The following LONP1 variants were observed in gnomAD, a reference collection of about 807,000 sequenced individuals.
LONP1 encodes lon protease homolog, mitochondrial.
A neutral mutation model predicts 98.5 loss-of-function variants in LONP1; 31 were observed. The observed-to-expected ratio is 0.31, with a 90% CI of 0.24 to 0.42. LONP1 has a LOEUF of 0.42. Among genes scored for constraint, LONP1 ranks in the 20% least tolerant of loss-of-function variants. The pLI is 1.00. For synonymous variants in LONP1, 781 were observed against 594.7 expected, an observed-to-expected ratio of 1.31 and a Z score of -4.56; for missense variants, 1,336 against 1,350.6, an observed-to-expected ratio of 0.99 and a Z score of 0.17.
chr19:5,718,374 G>A (rs193079004), intron 1 of LONP1, among the ~76,000 whole-genome samples: 3 of 151,898 alleles, frequency 2.0e-5, no homozygotes, highest in African/African-American at 7.2e-5. Flanking sequence ...GCTACTCAGG[G>A]GGCTGAGGCA....
Position 5,707,049 on chromosome 19 carries a change from C to A in LONP1, c.1146+11G>T. 7 of 1,607,236 alleles carry A rather than the reference C, an allele frequency of 4.4e-6. No individual in the cohort carries two copies. Among genetic ancestry groups the A allele is most frequent in the Non-Finnish European group, 5.9e-6 (7 of 1,178,070 alleles). On this transcript the variant is annotated intron_variant, in intron 7 of 17. Coordinates refer to ENST00000360614, the MANE Select transcript of LONP1 (RefSeq NM_004793.4). ...CCCCCAAGAGTGGCTGCGCCTCAGC[C>A]GCGGGCTCACCTCCCGCCCCAGGCG...
chr19:5,718,902 G>C (rs2055372170), intron 1 of LONP1, among the ~76,000 whole-genome samples: 1 of 152,034 alleles, frequency 6.6e-6, no homozygotes, highest in Non-Finnish European at 1.5e-5. Flanking sequence ...AACTTGCTAC[G>C]TGGTAGGAGG....
At chr19:5,713,450 C>T (rs2055268605) in intron 2 of LONP1, among the ~76,000 whole-genome samples, 197 bp from the exon 3 acceptor site, 1 of 152,212 alleles carries the variant, frequency 6.6e-6, no homozygotes, top group African/African-American at 2.4e-5. Flanking sequence ...CCCCAGTGGT[C>T]ACAGGACCGG....
In LONP1 at chr19:5,693,535, G is replaced by A; in HGVS notation, c.2538+17C>T. On this transcript the variant is annotated intron_variant, in intron 16 of 17. Transcript: ENST00000360614. Reference sequence around the variant, plus strand: ...AGGGACTGGGCGGGAGCAGGTGGGAGCGGATGGCGCGGTCACCTCGGGCAC... The same window carrying A: ...AGGGACTGGGCGGGAGCAGGTGGGAACGGATGGCGCGGTCACCTCGGGCAC... The A allele has an allele frequency of 1.2e-6, 2 of 1,613,840 alleles. No homozygotes were observed. The highest frequency in any genetic ancestry group is 1.1e-5 in the South Asian group (1 of 91,076).
intron 8 of LONP1, among the ~76,000 whole-genome samples, chr19:5,702,174 C>T (rs1248471931): frequency 1.2e-3 from 168 of 143,346 alleles, no homozygotes; most frequent in Middle Eastern, 4.2e-3. Flanking sequence ...CCCCTCTGCC[C>T]GGCCAGCCGC....
At chr19:5,703,235 A>G (rs1212021614) in intron 8 of LONP1, among the ~76,000 whole-genome samples, 3 of 151,870 alleles carry the variant, frequency 2.0e-5, no homozygotes, top group South Asian at 2.1e-4. Context: ...CACCCAGTGC[A>G]GGAAGGAGGA....
chr19:5,700,627 G>A (rs895465546), intron 9 of LONP1, among the ~76,000 whole-genome samples, 162 bp downstream of exon 9: 26 of 152,180 alleles, frequency 1.7e-4, no homozygotes, highest in African/African-American at 5.8e-4. Flanking sequence ...GAGCCCTCGG[G>A]GGCAGGGCAG....
At chr19:5,708,542 C>A (rs960389049) in intron 4 of LONP1, 139 bp from the exon 5 acceptor site, 5 of 670,810 alleles carry the variant, frequency 7.5e-6, no homozygotes, top group African/African-American at 1.8e-5. Context: ...TGGCCACGGA[C>A]GGCCTGGGAG....
intron 17 of LONP1, 62 bp downstream of exon 17, chr19:5,693,236 G>A (rs928763751): frequency 1.9e-6 from 3 of 1,548,502 alleles, no homozygotes; most frequent in Admixed American, 1.8e-5. Context: ...GGCGGGGACT[G>A]GGCCTGTCCC....
chr19:5,708,434 C>T lies in LONP1; in HGVS notation c.871-31G>A, dbSNP rs184778290. On this transcript the variant is annotated intron_variant, in intron 4 of 17. Coordinates refer to ENST00000360614, the MANE Select transcript of LONP1 (RefSeq NM_004793.4). ...AAGTATGGGGCAGGGTCGCTGGGGC[C>T]CAGCAGTGCTCCAGCAGGGGGTGGG... 8.2e-6 allele frequency: 13 copies of T among 1,579,214 alleles called. 1 individual carries two copies. Among genetic ancestry groups the T allele is most frequent in the Admixed American group, 3.3e-5 (2 of 59,732 alleles).
intron 8 of LONP1, 64 bp downstream of exon 8, chr19:5,705,708 T>C (rs1395130750): frequency 1.3e-6 from 2 of 1,503,262 alleles, no homozygotes; most frequent in Non-Finnish European, 1.8e-6. Context: ...TCCCCTGGCC[T>C]GCCTAAGATG....
intron 10 of LONP1, among the ~76,000 whole-genome samples, chr19:5,697,748 T>G (rs941302113): frequency 6.8e-6 from 1 of 146,566 alleles, no homozygotes; most frequent in Non-Finnish European, 1.5e-5. Flanking sequence ...GCAGCCAGTC[T>G]CCTGTCCTTG....
rs1449314851 is a variant in LONP1, at chr19:5,695,970, C to T, written c.2013+84G>A. 6.6e-5 allele frequency: 82 copies of T among 1,245,880 alleles called. No individual in the cohort carries two copies. In the South Asian group the frequency reaches 7.0e-4, roughly 11 times the overall value. The allele number at this position is 1,245,880 out of a possible 1,614,324, so 77.2% of individuals were successfully genotyped here. A position where few individuals can be genotyped will look rare whatever the true frequency, so the allele number is the denominator to read the frequency against. ...CACCTGTCTCTCCCGGGCCCAGGAG[C>T]TCCCAGAGGCACGGCCTCTGCAGGC... On this transcript the variant is annotated intron_variant, in intron 13 of 17. Transcript: ENST00000360614.
At chr19:5,710,144 T>G (rs2055214645) in intron 4 of LONP1, among the ~76,000 whole-genome samples, 1 of 150,270 alleles carries the variant, frequency 6.7e-6, no homozygotes. Context: ...AATGCAATAG[T>G]GCAATCTCGG....
At chr19:5,708,812 G>C in intron 4 of LONP1, 1 of 164,216 alleles carries the variant, frequency 6.1e-6, no homozygotes, top group South Asian at 1.5e-4. Flanking sequence ...AGGAGATCGA[G>C]ACCCTCCTGG....
At chr19:5,718,694 C>A (rs2145639246) in intron 1 of LONP1, among the ~76,000 whole-genome samples, 1 of 151,216 alleles carries the variant, frequency 6.6e-6, no homozygotes, top group South Asian at 2.1e-4. Flanking sequence ...CTTTCCACAT[C>A]AGTAGTTTTT....
At chr19:5,695,355 C>A (rs1446305068) in intron 13 of LONP1, among the ~76,000 whole-genome samples, 1 of 152,020 alleles carries the variant, frequency 6.6e-6, no homozygotes, top group African/African-American at 2.4e-5. Flanking sequence ...ATCTGTGAGA[C>A]GGACAGAGCC....
chr19:5,718,526 T>C (rs2145638792), intron 1 of LONP1, among the ~76,000 whole-genome samples: 2 of 151,376 alleles, frequency 1.3e-5, no homozygotes, highest in Middle Eastern at 6.9e-3. Context: ...AAGCTCCCTC[T>C]GTCCCCTCTC....
At position 5,711,887 on chromosome 19, in the gene LONP1, C is replaced by T. The variant is rs538226936; in HGVS notation, c.754G>A (p.Ala252Thr). Residue 252 changes from alanine (A) to threonine (T), a missense_variant, in exon 4 of 18, where the codon GCC (alanine) becomes ACC (threonine). Ala to Thr is a moderately conservative substitution (Grantham distance 58). This residue lies in a region of LONP1 where 457 missense variants were observed against 403.1 expected (regional missense o/e 1.13). Coordinates refer to ENST00000360614, the MANE Select transcript of LONP1 (RefSeq NM_004793.4). ...ATCGCCAGCTCCGCCGGGTGCCTGG[C>T]GCTCAGCTCGTCCTCCGCCTCCTTC... ...GKKEAEDELSARHPAELAMEP... is the reference protein window; with the variant it reads ...GKKEAEDELSTRHPAELAMEP... The T allele has an allele frequency of 7.4e-6, 12 of 1,613,010 alleles. No individual in the cohort carries two copies. The highest frequency in any genetic ancestry group is 3.3e-5 in the Admixed American group (2 of 60,022).
Sources: gnomAD v4.1 joint callset for allele counts (sites outside exome capture counted in the v4.1 genomes callset) on GRCh38, gnomAD v4.1.1 for gene constraint, gnomAD v4.1.1 regional missense constraint, MANE v1.5 for transcripts, NCBI Gene and HGNC (gene_info 2026-07-23, HGNC 2026-07-21) for gene names.